SOX6: variants seen among roughly 807,000 people sequenced by gnomAD.
The protein encoded by SOX6 is SRY-box transcription factor 6, also known as transcription factor SOX-6.
SOX6 carries 11 observed loss-of-function variants against 97.8 expected under a neutral mutation model. That is an observed-to-expected ratio of 0.11 (90% CI 0.07 to 0.19). SOX6 has a LOEUF of 0.19. Among genes scored for constraint, SOX6 ranks in the 10% least tolerant of loss-of-function variants. The probability of loss-of-function intolerance (pLI) is 1.00; values close to 1 mark genes in which losing one functional copy is unlikely to be tolerated. For missense variants in SOX6, 810 were observed against 1,039.5 expected (o/e 0.78, Z 3.04); for synonymous variants, 360 against 371.4 (o/e 0.97, Z 0.35).
In SOX6 at chr11:16,605,088, G is replaced by A. The variant is rs574766076; in HGVS notation, n.609+6993C>T. On this transcript the variant is annotated intron_variant and non_coding_transcript_variant, in intron 4 of 5. Coordinates refer to the SOX6 transcript ENST00000524520. This position sits in a 1 kb window ranked among gnomAD's most constrained non-coding sequence, Gnocchi z 5.3. ...CGCGGGAGCGGCCGGGCTCGGGCTG[G>A]GTCCCGGGGCGGGTGGCAGCACCGC... Among the ~76,000 whole-genome samples the A allele has an allele frequency of 5.9e-5, 9 of 152,068 alleles. No homozygotes were observed. In the East Asian group the frequency reaches 1.8e-3, roughly 30 times the overall value.
At chr11:16,377,400 A>G (rs1857671250) in intron 1 of SOX6, among the ~76,000 whole-genome samples, 1 of 152,154 alleles carries the variant, frequency 6.6e-6, no homozygotes, top group Non-Finnish European at 1.5e-5. Context: ...ACTTTAAGCC[A>G]GTTAATAATA....
chr11:16,570,178 C>G (rs559631223), intron 4 of SOX6, among the ~76,000 whole-genome samples: 1 of 152,136 alleles, frequency 6.6e-6, no homozygotes, highest in East Asian at 1.9e-4. Flanking sequence ...ACAGTCTTAC[C>G]ACATATTCTA....
At chr11:16,336,496 C>G (rs561948140) in intron 2 of SOX6, among the ~76,000 whole-genome samples, 4 of 152,244 alleles carry the variant, frequency 2.6e-5, no homozygotes, top group African/African-American at 9.6e-5. Context: ...CCTAACTGTT[C>G]ACTCTTCTGC....
intron 1 of SOX6, among the ~76,000 whole-genome samples, chr11:16,364,279 AT>A (rs1481060115): frequency 7.2e-5 from 11 of 152,248 alleles, no homozygotes; most frequent in African/African-American, 2.6e-4. Flanking sequence ...CCAGAAAAAA[AT>A]GTCAGGACTT....
intron 3 of SOX6, among the ~76,000 whole-genome samples, chr11:16,295,121 AG>A (rs1254522845): frequency 6.6e-6 from 1 of 152,132 alleles, no homozygotes; most frequent in Non-Finnish European, 1.5e-5. Context: ...GAAAATTATA[AG>A]GTAATCTAAA....
rs1554934078 is a variant in SOX6, at chr11:16,132,501, A to AAGC, written c.778-20579_778-20578insGCT. 3.2e-3 allele frequency among the ~76,000 whole-genome samples: 257 copies of AAGC among 81,164 alleles called. 21 individuals carry two copies. Among genetic ancestry groups the AAGC allele is most frequent in the South Asian group, 6.8e-3 (20 of 2,920 alleles). The allele number at this position is 81,164 out of a possible 152,430, so 53.2% of individuals were successfully genotyped here. A position where few individuals can be genotyped will look rare whatever the true frequency, so the allele number is the denominator to read the frequency against. On this transcript the variant is annotated intron_variant, in intron 6 of 15. Transcript: ENST00000683767. Reference sequence around the variant, plus strand: ...GAAAGAAAGAAAGAAAGAAAGAAAGAAAGAAAGCTTATCTTTGTATCTAGG... The same window carrying AAGC: ...GAAAGAAAGAAAGAAAGAAAGAAAGAAGCAAGAAAGCTTATCTTTGTATCTAGG...
intron 3 of SOX6, among the ~76,000 whole-genome samples, chr11:16,658,377 T>C (rs1255107319): frequency 6.6e-6 from 1 of 152,246 alleles, no homozygotes; most frequent in African/African-American, 2.4e-5. Flanking sequence ...TCATTGAATA[T>C]GTTCTATACT....
intron 4 of SOX6, among the ~76,000 whole-genome samples, chr11:16,510,242 C>T (rs927937431): frequency 1.3e-5 from 2 of 152,054 alleles, no homozygotes; most frequent in Middle Eastern, 3.2e-3. Context: ...CCTGAATTTA[C>T]ATTTAAACAT....
At chr11:16,217,487 A>G (rs1852407787) in intron 4 of SOX6, among the ~76,000 whole-genome samples, 1 of 152,194 alleles carries the variant, frequency 6.6e-6, no homozygotes, top group East Asian at 1.9e-4. Context: ...AAAATAAAAA[A>G]TAAAGTAAAA....
At chr11:16,585,681 CTTTTT>C (rs35531411) in intron 4 of SOX6, among the ~76,000 whole-genome samples, 3 of 108,342 alleles carry the variant, frequency 2.8e-5, no homozygotes, top group Admixed American at 1.1e-4. Context: ...TTTTTTTTTA[CTTTTT>C]TTTTTTTTTT....
rs377656957 is a variant in SOX6, at chr11:16,341,105, G to C, written c.144C>G (p.His48Gln). ...GTAGCTCCTCAGAGTGAGGTTTGTT[G>C]TGCATTATGGGGTGCAGAGGCAGAT... ...ASHLPLHPIMHNKPHSEELPT... is the reference protein window; with the variant it reads ...ASHLPLHPIMQNKPHSEELPT... Residue 48 changes from histidine (H) to glutamine (Q), a missense_variant, in exon 2 of 16, where the codon CAC (histidine) becomes CAG (glutamine). His to Gln is a conservative substitution (Grantham distance 24, BLOSUM62 0). Coordinates refer to ENST00000683767, the MANE Select transcript of SOX6 (RefSeq NM_001367873.1). 4.3e-6 allele frequency: 7 copies of C among 1,613,420 alleles called. No individual in the cohort carries two copies. The Admixed American group carries it at 1.2e-4, about 27-fold the overall frequency.
intron 4 of SOX6, among the ~76,000 whole-genome samples, chr11:16,566,866 T>G (rs1332218351): frequency 6.6e-6 from 1 of 152,046 alleles, no homozygotes; most frequent in African/African-American, 2.4e-5. Context: ...CAAACAAAAC[T>G]TACACACAAA....
chr11:16,337,648 A>T (rs1856504591), intron 2 of SOX6, among the ~76,000 whole-genome samples: 2 of 152,138 alleles, frequency 1.3e-5, no homozygotes, highest in Non-Finnish European at 2.9e-5. Flanking sequence ...AATCTTATTT[A>T]CATTAACTTT....
chr11:16,045,386 T>TAATAGCCTCTCAACCAGTCTCCC (rs1257501661), intron 12 of SOX6, among the ~76,000 whole-genome samples: 1 of 152,124 alleles, frequency 6.6e-6, no homozygotes, highest in Non-Finnish European at 1.5e-5. Context: ...CACAGTCTAC[T>TAATAGCCTCTCAACCAGTCTCCC]AATAGCCTCT....
chr11:16,379,736 TTAAG>T (rs1222088546), intron 1 of SOX6, among the ~76,000 whole-genome samples: 76 of 152,232 alleles, frequency 5.0e-4, no homozygotes, highest in African/African-American at 1.8e-3. Flanking sequence ...CAATCCATTT[TTAAG>T]AATTTAAACT....
intron 2 of SOX6, among the ~76,000 whole-genome samples, chr11:16,330,722 TAACCTTGA>T (rs1856263492): frequency 1.3e-5 from 2 of 152,188 alleles, no homozygotes; most frequent in African/African-American, 4.8e-5. Flanking sequence ...ATCCCAATTT[TAACCTTGA>T]AACCAAGAAA....
chr11:16,105,573 C>A (rs544920409), intron 7 of SOX6, among the ~76,000 whole-genome samples: 23 of 151,958 alleles, frequency 1.5e-4, no homozygotes, highest in Non-Finnish European at 2.8e-4. Context: ...GTTTGTTAAA[C>A]AAACAAACAA....
intron 4 of SOX6, among the ~76,000 whole-genome samples, chr11:16,499,470 G>T (rs551801220): frequency 2.6e-5 from 4 of 152,176 alleles, no homozygotes; most frequent in Non-Finnish European, 4.4e-5. Flanking sequence ...GAGCAGAACT[G>T]AAAGAGATTG....
At chr11:15,997,327 C>T (rs574517336) in intron 13 of SOX6, among the ~76,000 whole-genome samples, 6 of 152,052 alleles carry the variant, frequency 3.9e-5, no homozygotes, top group Admixed American at 1.3e-4. Flanking sequence ...AATAATATTG[C>T]GTAAAGGTAT....
Sources: allele counts gnomAD v4.1 joint callset (sites outside exome capture counted in the v4.1 genomes callset), GRCh38; gene constraint gnomAD v4.1.1; non-coding constraint Gnocchi (gnomAD v3.1); transcripts MANE v1.5; gene names NCBI Gene and HGNC (gene_info 2026-07-23, HGNC 2026-07-21).